VPS13B: variants seen among roughly 807,000 people sequenced by gnomAD.
The protein encoded by VPS13B is intermembrane lipid transfer protein VPS13B.
A neutral mutation model predicts 426.4 loss-of-function variants in VPS13B; 285 were observed. The ratio of observed to expected loss-of-function variants is 0.67; its 90% CI spans 0.61 to 0.74. The LOEUF (loss-of-function observed/expected upper bound fraction) is 0.74. Ranked by LOEUF, VPS13B falls within the 30% of genes least tolerant of loss-of-function variation. VPS13B has a pLI of 0.00. For synonymous variants in VPS13B, 1,676 were observed against 1,676.4 expected, an observed-to-expected ratio of 1.00 and a Z score of 0.01; for missense variants, 4,537 against 4,782.6, an observed-to-expected ratio of 0.95 and a Z score of 1.51.
At chr8:99,440,245 T>G (rs929358542) in intron 22 of VPS13B, among the ~76,000 whole-genome samples, 1 of 152,096 alleles carries the variant, frequency 6.6e-6, no homozygotes, top group Admixed American at 6.6e-5. Flanking sequence ...AATAGGATAT[T>G]TTTTTAAAAG....
At chr8:99,865,164 T>A (rs1817036320) in intron 58 of VPS13B, among the ~76,000 whole-genome samples, 1 of 152,098 alleles carries the variant, frequency 6.6e-6, no homozygotes, top group Non-Finnish European at 1.5e-5. Context: ...TTGGAAAAAC[T>A]CCGTTTAGCC....
intron 14 of VPS13B, among the ~76,000 whole-genome samples, chr8:99,156,287 T>C (rs1811355773): frequency 6.6e-6 from 1 of 152,148 alleles, no homozygotes; most frequent in African/African-American, 2.4e-5. Context: ...TTCCAGTTGA[T>C]TGAAAAAGAA....
At chr8:99,750,170 C>T (rs955083193) in intron 39 of VPS13B, among the ~76,000 whole-genome samples, 34 of 151,960 alleles carry the variant, frequency 2.2e-4, no homozygotes, top group African/African-American at 1.4e-4. Flanking sequence ...TATATTCATT[C>T]GTGATGAAGT....
chr8:99,373,077 C>T (rs1229470811), intron 19 of VPS13B, among the ~76,000 whole-genome samples: 1 of 152,154 alleles, frequency 6.6e-6, no homozygotes, highest in Non-Finnish European at 1.5e-5. Context: ...GAAAACCAAA[C>T]ACTGCATATT....
intron 23 of VPS13B, among the ~76,000 whole-genome samples, chr8:99,458,989 T>A (rs1047291880): frequency 6.6e-6 from 1 of 152,212 alleles, no homozygotes; most frequent in Non-Finnish European, 1.5e-5. Context: ...CATGAAGTCC[T>A]TGCCCATGCC....
chr8:99,685,125 T>C (rs1831330711), intron 35 of VPS13B, among the ~76,000 whole-genome samples: 1 of 152,238 alleles, frequency 6.6e-6, no homozygotes, highest in Non-Finnish European at 1.5e-5. Flanking sequence ...TAAGATATAT[T>C]AGATATTTTT....
At chr8:99,095,301 A>G (rs954495029) in intron 3 of VPS13B, among the ~76,000 whole-genome samples, 2 of 152,086 alleles carry the variant, frequency 1.3e-5, no homozygotes, top group Non-Finnish European at 2.9e-5. Flanking sequence ...AACTTCTTCC[A>G]TCTTAGACAC....
At chr8:99,771,417 C>A (rs1376542356) in intron 40 of VPS13B, among the ~76,000 whole-genome samples, 1 of 152,142 alleles carries the variant, frequency 6.6e-6, no homozygotes, top group Non-Finnish European at 1.5e-5. Flanking sequence ...AAAATTAAAC[C>A]TCTGGCGAGT....
intron 23 of VPS13B, among the ~76,000 whole-genome samples, chr8:99,451,972 C>T (rs1318863838): frequency 6.6e-6 from 1 of 152,184 alleles, no homozygotes; most frequent in Non-Finnish European, 1.5e-5. Flanking sequence ...TGAAATTCCT[C>T]TCCTTTTGTC....
chr8:99,325,910 TTCTTTAGA>T (rs1810233610), intron 19 of VPS13B, among the ~76,000 whole-genome samples: 2 of 152,220 alleles, frequency 1.3e-5, no homozygotes, highest in Admixed American at 1.3e-4. Context: ...TAAATTTTTA[TTCTTTAGA>T]TTTTTGCCCT....
In VPS13B at chr8:99,232,111, G is replaced by A. The variant is rs574086658; in HGVS notation, c.2515+39054G>A. Among the ~76,000 whole-genome samples the A allele has an allele frequency of 3.3e-5, 5 of 152,120 alleles. No individual in the cohort carries two copies. In the South Asian group the frequency reaches 6.2e-4, roughly 19 times the overall value. ...ACTCAAAGCACTGCTTTCCTTGGGC[G>A]GGGGCGAGGGTGGTGTTGCGTAGAT... On this transcript the variant is annotated intron_variant, in intron 17 of 61. Coordinates refer to ENST00000357162, the MANE Select transcript of VPS13B (RefSeq NM_152564.5).
At chr8:99,101,177 G>T (rs1245460212) in intron 4 of VPS13B, among the ~76,000 whole-genome samples, 1 of 152,118 alleles carries the variant, frequency 6.6e-6, no homozygotes, top group African/African-American at 2.4e-5. Flanking sequence ...TGTCGCCCAG[G>T]CTGGAGTGCA....
intron 21 of VPS13B, among the ~76,000 whole-genome samples, chr8:99,426,995 A>G (rs1447877857): frequency 7.1e-5 from 4 of 56,498 alleles, no homozygotes; most frequent in Non-Finnish European, 9.7e-5. Context: ...GCCCATGCCT[A>G]TGTCCTGAAT....
At chr8:99,736,226 A>G (rs1266677478) in intron 39 of VPS13B, among the ~76,000 whole-genome samples, 1 of 152,180 alleles carries the variant, frequency 6.6e-6, no homozygotes, top group Non-Finnish European at 1.5e-5. Flanking sequence ...GGTTATAGGT[A>G]GAGAGTTGAG....
At chr8:99,157,870 TA>T (rs1269531239) in intron 15 of VPS13B, among the ~76,000 whole-genome samples, 2 of 152,216 alleles carry the variant, frequency 1.3e-5, no homozygotes, top group Non-Finnish European at 2.9e-5. Flanking sequence ...ATTGTTGATA[TA>T]AAGTTTGAGT....
chr8:99,297,248 T>G (rs984867544), intron 19 of VPS13B, among the ~76,000 whole-genome samples: 1 of 152,308 alleles, frequency 6.6e-6, no homozygotes, highest in East Asian at 1.9e-4. Flanking sequence ...AATTGGCTAT[T>G]GTTTCATTTT....
intron 2 of VPS13B, among the ~76,000 whole-genome samples, chr8:99,022,865 C>G (rs1394969631): frequency 6.6e-6 from 1 of 151,530 alleles, no homozygotes; most frequent in African/African-American, 2.4e-5. Flanking sequence ...TGAAAAGTGT[C>G]CCTCTTTTTT....
chr8:99,325,843 C>T (rs1810230184), intron 19 of VPS13B, among the ~76,000 whole-genome samples: 2 of 152,196 alleles, frequency 1.3e-5, no homozygotes, highest in South Asian at 4.1e-4. Context: ...TTTGTATCTA[C>T]ATTCCAAATA....
chr8:99,624,240 G>A (rs1020565482), intron 33 of VPS13B, among the ~76,000 whole-genome samples: 5 of 151,736 alleles, frequency 3.3e-5, no homozygotes, highest in African/African-American at 1.2e-4. Flanking sequence ...TTTTGATGTA[G>A]TAAGAACATT....
Sources: allele counts gnomAD v4.1 joint callset (sites outside exome capture counted in the v4.1 genomes callset), GRCh38; gene constraint gnomAD v4.1.1; transcripts MANE v1.5; gene names NCBI Gene and HGNC (gene_info 2026-07-23, HGNC 2026-07-21).